FBN1: variants seen among roughly 807,000 people sequenced by gnomAD.
FBN1 encodes fibrillin 1, also known as fibrillin-1.
In FBN1, 29 loss-of-function variants were observed where a neutral mutation model predicts 365.1. The observed-to-expected ratio is 0.08, with a 90% CI of 0.06 to 0.11. The LOEUF (loss-of-function observed/expected upper bound fraction) is 0.11. FBN1 is among the 10% of genes least tolerant of loss of function. The pLI, the probability that FBN1 is intolerant of heterozygous loss-of-function variation, is 1.00. For missense variants in FBN1, 2,476 were observed against 3,703.2 expected, an observed-to-expected ratio of 0.67 and a Z score of 8.60; for synonymous variants, 1,210 against 1,270.5, an observed-to-expected ratio of 0.95 and a Z score of 1.01.
At chr15:48,447,438 T>C (rs1159478154) in intron 46 of FBN1, among the ~76,000 whole-genome samples, 3 of 152,228 alleles carry the variant, frequency 2.0e-5, no homozygotes, top group East Asian at 3.8e-4. Context: ...TCATACATGC[T>C]TGCATTCTTA....
intron 13 of FBN1, among the ~76,000 whole-genome samples, chr15:48,510,930 C>T (rs1250148807): frequency 6.6e-6 from 1 of 152,180 alleles, no homozygotes; most frequent in Non-Finnish European, 1.5e-5. Context: ...CTGTTTCTCT[C>T]AGTTTCTAGA....
intron 60 of FBN1, 105 bp downstream of exon 60, chr15:48,425,264 G>T: frequency 6.6e-7 from 1 of 1,503,802 alleles, no homozygotes; most frequent in Non-Finnish European, 9.3e-7. Context: ...AGCACCTCCT[G>T]CCTGTAGAGC....
In FBN1 at chr15:48,421,974, G is replaced by C. The variant is rs1270266819; in HGVS notation, c.7548C>G (p.Thr2516=). 6.2e-7 allele frequency: 1 copy of C among 1,613,458 alleles called. No individual in the cohort carries two copies. The highest frequency in any genetic ancestry group is 2.2e-5 in the East Asian group (1 of 44,884). The change falls in exon 61 of 66, where the codon ACC becomes ACG. Residue 2516 remains threonine, a synonymous_variant. Transcript: ENST00000316623. The part of the protein sequence containing the change: ...GFTCKCPPGF[T]QHHTSCIDNN... Reference sequence around the variant, plus strand: ...CACCAATGCAGGACGTATGGTGTTGGGTAAATCCGGGAGGACATTTGCATG... The same window carrying C: ...CACCAATGCAGGACGTATGGTGTTGCGTAAATCCGGGAGGACATTTGCATG...
At chr15:48,422,247 G>C (rs747721212) in intron 60 of FBN1, among the ~76,000 whole-genome samples, 179 bp from the exon 61 acceptor site, 10 of 152,066 alleles carry the variant, frequency 6.6e-5, no homozygotes, top group Non-Finnish European at 1.0e-4. Context: ...ATAAAACAAG[G>C]TGTCAATTTA....
intron 32 of FBN1, among the ~76,000 whole-genome samples, chr15:48,478,746 A>G (rs1308286442): frequency 1.3e-5 from 2 of 152,216 alleles, no homozygotes; most frequent in Non-Finnish European, 2.9e-5. Flanking sequence ...CAGGGTCTGA[A>G]CAAAGCTTAC....
chr15:48,564,976 C>T (rs1182952971), intron 6 of FBN1, among the ~76,000 whole-genome samples: 1 of 152,162 alleles, frequency 6.6e-6, no homozygotes, highest in Non-Finnish European at 1.5e-5. Flanking sequence ...AAGTATTAGA[C>T]CAAGTGCCTT....
chr15:48,438,365 A>G (rs74961364), intron 50 of FBN1, among the ~76,000 whole-genome samples: 9,121 of 152,222 alleles, frequency 0.06, 327 homozygotes, highest in East Asian at 0.16. Flanking sequence ...CTGTGATATC[A>G]CACTTTGTGG....
chr15:48,534,700 C>T (rs775102282), intron 7 of FBN1, among the ~76,000 whole-genome samples: 3 of 152,158 alleles, frequency 2.0e-5, no homozygotes, highest in African/African-American at 2.4e-5. Flanking sequence ...TCAGACTACA[C>T]GAGACAGCTA....
At chr15:48,469,634 T>C (rs921453147) in intron 36 of FBN1, among the ~76,000 whole-genome samples, 5 of 152,134 alleles carry the variant, frequency 3.3e-5, no homozygotes, top group Non-Finnish European at 7.3e-5. Context: ...GCAACCCTCC[T>C]GCGGGTTGCG....
chr15:48,619,370 C>T (rs1398924046), intron 2 of FBN1, among the ~76,000 whole-genome samples: 1 of 151,714 alleles, frequency 6.6e-6, no homozygotes, highest in African/African-American at 2.4e-5. Flanking sequence ...GAGCTTTATC[C>T]CCTTCTTGCC....
At chr15:48,509,896 T>A (rs1209360646) in intron 14 of FBN1, 148 bp downstream of exon 14, 1 of 807,686 alleles carries the variant, frequency 1.2e-6, no homozygotes, top group African/African-American at 1.7e-5. Context: ...GAAATGAATA[T>A]CATGGAAAAT....
intron 8 of FBN1, among the ~76,000 whole-genome samples, chr15:48,527,963 A>C (rs934453963): frequency 4.6e-5 from 7 of 152,244 alleles, no homozygotes; most frequent in Non-Finnish European, 2.9e-5. Context: ...CCACACTTCT[A>C]CTTAACACAA....
At chr15:48,452,428 T>C in intron 45 of FBN1, 134 bp downstream of exon 45, 1 of 1,060,088 alleles carries the variant, frequency 9.4e-7, no homozygotes, top group Non-Finnish European at 1.5e-6. Context: ...TTTAGTTTAA[T>C]ATTAGAGTTC....
Position 48,421,581 on chromosome 15 carries a change from T to G in FBN1, c.7676A>C (p.Asp2559Ala), listed in dbSNP as rs1289740895. The G allele has an allele frequency of 6.2e-7, 1 of 1,613,440 alleles. No homozygotes were observed. The highest frequency in any genetic ancestry group is 1.1e-5 in the South Asian group (1 of 90,848). The change falls in exon 62 of 66, where the codon GAT becomes GCT. Residue 2559 changes from aspartate to alanine, a missense_variant. Asp to Ala is a moderately radical substitution (Grantham distance 126). Around this residue, in one of 5 missense-constraint regions of FBN1, gnomAD observed 1,780 missense variants for 2,840.8 expected, o/e 0.63. Coordinates refer to ENST00000316623, the MANE Select transcript of FBN1 (RefSeq NM_000138.5). The stretch of plus-strand genomic sequence containing the variant: ...ACCTTCACAGCTGGAGCCGGTCTGA[T>G]CAAGTGAGAATCCCCGCTGGCATTC... ...TCECQRGFSL[D>A]QTGSSCEDVD...
Position 48,503,810 on chromosome 15 carries a change from T to C in FBN1, c.2090A>G (p.Gln697Arg), listed in dbSNP as rs769708437. The change falls in exon 17 of 66, where the codon CAG becomes CGG. Residue 697 changes from glutamine to arginine, a missense_variant. By Grantham distance (43) the Gln-to-Arg change is conservative. Transcript: ENST00000316623. ...ACCTGAATTCTGTGCAGGACACGGC[T>C]GGCAAGGTTCCCCAAATGCATACTC... ...STEYAFGEPC[Q>R]PCPAQNSAEY... 6 of 1,613,938 alleles carry C rather than the reference T, an allele frequency of 3.7e-6. No individual in the cohort carries two copies. In the African/African-American group the frequency reaches 6.7e-5, roughly 18 times the overall value.
intron 65 of FBN1, among the ~76,000 whole-genome samples, chr15:48,411,842 A>C (rs1187823630): frequency 6.6e-6 from 1 of 152,228 alleles, no homozygotes; most frequent in Non-Finnish European, 1.5e-5. Context: ...TCATTTCTTA[A>C]ATGACAGCAG....
chr15:48,538,638 C>T (rs545646402), intron 6 of FBN1, among the ~76,000 whole-genome samples: 1 of 151,474 alleles, frequency 6.6e-6, no homozygotes, highest in African/African-American at 2.4e-5. Context: ...AAGATAAAGA[C>T]GTAGTGAGCA....
intron 34 of FBN1, 88 bp downstream of exon 34, chr15:48,474,167 C>T (rs2043400060): frequency 6.3e-7 from 1 of 1,583,232 alleles, no homozygotes; most frequent in Non-Finnish European, 8.7e-7. Flanking sequence ...CTGACCCAGT[C>T]TTCAAAAAAG....
At chr15:48,565,994 G>A (rs2044256559) in intron 6 of FBN1, among the ~76,000 whole-genome samples, 1 of 152,122 alleles carries the variant, frequency 6.6e-6, no homozygotes, top group South Asian at 2.1e-4. Context: ...TACACACCCT[G>A]TAAACCAGAA....
Sources: gnomAD v4.1 joint callset for allele counts (sites outside exome capture counted in the v4.1 genomes callset) on GRCh38, gnomAD v4.1.1 for gene constraint, gnomAD v4.1.1 regional missense constraint, MANE v1.5 for transcripts, NCBI Gene and HGNC (gene_info 2026-07-23, HGNC 2026-07-21) for gene names.